Variants in CFTR observed in about 807,000 individuals in gnomAD.
The protein encoded by CFTR is cystic fibrosis transmembrane conductance regulator.
A neutral mutation model predicts 171.6 loss-of-function variants in CFTR; 181 were observed. The ratio of observed to expected loss-of-function variants is 1.05; its 90% confidence interval spans 0.93 to 1.19. The LOEUF is 1.19. Among genes scored for constraint, CFTR ranks in the 50% most tolerant of loss-of-function variants. CFTR has a pLI of 0.00. For missense variants in CFTR, 1,968 were observed against 1,734.7 expected (o/e 1.13, Z -2.39); for synonymous variants, 583 against 608.0 (o/e 0.96, Z 0.60).
intron 18 of CFTR, among the ~76,000 whole-genome samples, chr7:117,608,114 T>C (rs1327656058): frequency 6.6e-6 from 1 of 152,230 alleles, no homozygotes; most frequent in African/African-American, 2.4e-5. Flanking sequence ...GAAGGGTTAA[T>C]TTTTAAATAG....
chr7:117,613,643 G>T (rs1362755313), intron 20 of CFTR, among the ~76,000 whole-genome samples: 1 of 152,006 alleles, frequency 6.6e-6, no homozygotes, highest in Non-Finnish European at 1.5e-5. Flanking sequence ...ATATATTGGG[G>T]TCTAGATAAA....
intron 1 of CFTR, among the ~76,000 whole-genome samples, chr7:117,491,124 C>A (rs1418892290): frequency 2.6e-5 from 4 of 152,030 alleles, no homozygotes; most frequent in African/African-American, 7.2e-5. Context: ...AGGCTACAAA[C>A]CTGTACGGCT....
chr7:117,494,644 C>CTAGTGA (rs1192077925), intron 1 of CFTR, among the ~76,000 whole-genome samples: 1 of 151,988 alleles, frequency 6.6e-6, no homozygotes, highest in African/African-American at 2.4e-5. Flanking sequence ...ACTTTGGGTC[C>CTAGTGA]TAGTGATGGT....
At chr7:117,652,820 C>T in intron 23 of CFTR, 22 bp from the exon 24 acceptor site, 1 of 1,158,812 alleles carries the variant, frequency 8.6e-7, no homozygotes, top group Non-Finnish European at 1.3e-6. Flanking sequence ...ATACTTTCTT[C>T]TTCTTTTCTT....
At chr7:117,594,785 T>C (rs1792094296) in intron 14 of CFTR, 145 bp from the exon 15 acceptor site, 1 of 707,852 alleles carries the variant, frequency 1.4e-6, no homozygotes, top group Admixed American at 2.4e-5. Flanking sequence ...ACATCATACA[T>C]GGCATTTATA....
intron 23 of CFTR, among the ~76,000 whole-genome samples, chr7:117,650,672 A>C (rs1185968686): frequency 6.6e-6 from 1 of 152,024 alleles, no homozygotes; most frequent in Non-Finnish European, 1.5e-5. Context: ...CTTGAAAGTT[A>C]TAATGAGGCT....
chr7:117,503,994 C>T (rs1798372639), intron 1 of CFTR, among the ~76,000 whole-genome samples: 1 of 151,860 alleles, frequency 6.6e-6, no homozygotes, highest in African/African-American at 2.4e-5. Context: ...TTTGTTTTTT[C>T]CCTGGGAAAA....
At position 117,548,874 on chromosome 7, in the gene CFTR, C is replaced by CT. The variant is rs746240178; in HGVS notation, c.1392+60dup. 364 of 1,533,892 alleles carry CT rather than the reference C, an allele frequency of 2.4e-4. 2 individuals carry two copies. The highest frequency in any genetic ancestry group is 3.4e-4 in the East Asian group (14 of 41,028). On this transcript the variant is annotated intron_variant, in intron 10 of 26. Transcript: ENST00000003084. ...AGAACTTAATTTGGTGTCCATGTCT[C>CT]TTTTTTTTTCTAGTTTGTAGTGCTG...
chr7:117,592,316 A>G lies in CFTR; in HGVS notation c.2149A>G (p.Thr717Ala). Residue 717 changes from threonine to alanine, a missense_variant, in exon 14 of 27, where the codon ACT becomes GCT. Physicochemically the swap from Thr to Ala is moderately conservative, Grantham distance 58. Transcript: ENST00000003084. ...SIRKFSIVQK[T>A]PLQMNGIEED... The stretch of plus-strand genomic sequence containing the variant: ...ACGAAAATTTTCCATTGTGCAAAAG[A>G]CTCCCTTACAAATGAATGGCATCGA... The G allele has an allele frequency of 6.2e-7, 1 of 1,614,048 alleles. No homozygotes were observed.
At chr7:117,522,386 C>T (rs562323291) in intron 3 of CFTR, among the ~76,000 whole-genome samples, 31 of 152,212 alleles carry the variant, frequency 2.0e-4, no homozygotes, top group African/African-American at 5.5e-4. Flanking sequence ...CTGTCCAGAG[C>T]GCGGAAGAGA....
At chr7:117,653,847 C>T (rs2116197833) in intron 24 of CFTR, among the ~76,000 whole-genome samples, 1 of 152,280 alleles carries the variant, frequency 6.6e-6, no homozygotes, top group East Asian at 1.9e-4. Flanking sequence ...TGTGATTCCT[C>T]TTTAGGCAGA....
At chr7:117,498,524 C>CT (rs914987959) in intron 1 of CFTR, among the ~76,000 whole-genome samples, 2 of 152,196 alleles carry the variant, frequency 1.3e-5, no homozygotes, top group African/African-American at 4.8e-5. Flanking sequence ...GATAGTATCA[C>CT]TTTGTCAAGT....
At chr7:117,601,120 C>T (rs1232808754) in intron 15 of CFTR, among the ~76,000 whole-genome samples, 1 of 152,006 alleles carries the variant, frequency 6.6e-6, no homozygotes, top group Non-Finnish European at 1.5e-5. Context: ...TATTAACACT[C>T]CTCTAGTTAG....
intron 7 of CFTR, among the ~76,000 whole-genome samples, 190 bp downstream of exon 7, chr7:117,536,863 G>T (rs904425197): frequency 6.6e-6 from 1 of 152,032 alleles, no homozygotes; most frequent in African/African-American, 2.4e-5. Flanking sequence ...TTATGTAGTT[G>T]GTCCAGGGTG....
chr7:117,652,306 G>A (rs973290265), intron 23 of CFTR, among the ~76,000 whole-genome samples: 3 of 152,188 alleles, frequency 2.0e-5, no homozygotes, highest in Non-Finnish European at 4.4e-5. Context: ...TGTCTGATCA[G>A]ATAAGTAGAG....
At position 117,592,430 on chromosome 7, in the gene CFTR, A is replaced by T. The variant is rs753047779; in HGVS notation, c.2263A>T (p.Ile755Phe). ...GEAILPRISV[I>F]STGPTLQARR... is the part of the protein sequence containing the mutation. ...GGCGATACTGCCTCGCATCAGCGTG[A>T]TCAGCACTGGCCCCACGCTTCAGGC... The change falls in exon 14 of 27, where the codon ATC becomes TTC. Residue 755 changes from isoleucine (I) to phenylalanine (F), a missense_variant. Physicochemically the swap from Ile to Phe is conservative, Grantham distance 21 (BLOSUM62 0). Coordinates refer to ENST00000003084, the MANE Select transcript of CFTR (RefSeq NM_000492.4). 1 of 1,611,510 alleles carries T rather than the reference A, an allele frequency of 6.2e-7. No individual in the cohort carries two copies. Among genetic ancestry groups the T allele is most frequent in the Non-Finnish European group, 8.5e-7 (1 of 1,178,716 alleles).
chr7:117,561,872 C>T (rs1182257830), intron 11 of CFTR, among the ~76,000 whole-genome samples: 1 of 152,078 alleles, frequency 6.6e-6, no homozygotes, highest in East Asian at 1.9e-4. Flanking sequence ...CAAAGAGGCA[C>T]AAGGCTAATG....
At chr7:117,607,075 A>G (rs1478597743) in intron 18 of CFTR, among the ~76,000 whole-genome samples, 1 of 152,072 alleles carries the variant, frequency 6.6e-6, no homozygotes, top group Non-Finnish European at 1.5e-5. Context: ...TGGCATTGGC[A>G]TCACTATTTG....
At chr7:117,589,954 A>G (rs537183576) in intron 12 of CFTR, among the ~76,000 whole-genome samples, 1 of 152,164 alleles carries the variant, frequency 6.6e-6, no homozygotes, top group Non-Finnish European at 1.5e-5. Flanking sequence ...TATTTTGAGC[A>G]CATAGCATGG....
Sources: gnomAD v4.1 joint callset for allele counts (sites outside exome capture counted in the v4.1 genomes callset) on GRCh38, gnomAD v4.1.1 for gene constraint, MANE v1.5 for transcripts, NCBI Gene and HGNC (gene_info 2026-07-23, HGNC 2026-07-21) for gene names.